GALNT5: variants seen among roughly 807,000 people sequenced by gnomAD.
GALNT5 encodes polypeptide N-acetylgalactosaminyltransferase 5.
A neutral mutation model predicts 85.4 loss-of-function variants in GALNT5; 72 were observed. The ratio of observed to expected loss-of-function variants is 0.84; its 90% CI spans 0.70 to 1.03. GALNT5 has a LOEUF of 1.03. Ranked by LOEUF, GALNT5 falls within the 50% of genes least tolerant of loss-of-function variation. The pLI, the probability that GALNT5 is intolerant of heterozygous loss-of-function variation, is 0.00. For missense variants in GALNT5, 1,137 were observed against 1,135.5 expected, an observed-to-expected ratio of 1.00 and a Z score of -0.02; for synonymous variants, 404 against 397.0, an observed-to-expected ratio of 1.02 and a Z score of -0.21.
intron 3 of GALNT5, among the ~76,000 whole-genome samples, chr2:157,291,633 A>ACCCCCCCCC (rs10650005): frequency 7.9e-4 from 92 of 116,992 alleles, no homozygotes; most frequent in Non-Finnish European, 1.0e-3. Flanking sequence ...GTTACCACCC[A>ACCCCCCCCC]CCCCCCCCCA....
At chr2:157,308,007 C>T (rs1360515965) in intron 8 of GALNT5, among the ~76,000 whole-genome samples, 1 of 152,182 alleles carries the variant, frequency 6.6e-6, no homozygotes, top group Non-Finnish European at 1.5e-5. Context: ...GATGATTCCT[C>T]ATGCTAGTAG....
rs1683718636 is a variant in GALNT5, at chr2:157,316,993, A to G, written c.*5645A>G. 6.6e-6 allele frequency among the ~76,000 whole-genome samples: 1 copy of G among 151,818 alleles called. No individual in the cohort carries two copies. Among genetic ancestry groups the G allele is most frequent in the Admixed American group, 6.6e-5 (1 of 15,236 alleles). On this transcript the variant is annotated 3_prime_UTR_variant, in exon 10 of 10. Coordinates refer to ENST00000259056, the MANE Select transcript of GALNT5 (RefSeq NM_014568.3). Reference sequence around the variant, plus strand: ...AGTAATAAATATTTTTTTCAAAAACAAGAGCTTTCTGTTTTATTATTGATT... The same window carrying G: ...AGTAATAAATATTTTTTTCAAAAACGAGAGCTTTCTGTTTTATTATTGATT...
intron 4 of GALNT5, 30 bp from the exon 5 acceptor site, chr2:157,296,364 T>C: frequency 5.1e-6 from 8 of 1,573,004 alleles, no homozygotes; most frequent in Non-Finnish European, 7.0e-6. Flanking sequence ...TAATCCCAGA[T>C]AACACTTTGT....
intron 3 of GALNT5, among the ~76,000 whole-genome samples, chr2:157,292,870 A>C (rs1398612524): frequency 1.3e-5 from 2 of 151,888 alleles, no homozygotes; most frequent in African/African-American, 2.4e-5. Context: ...CGCCCGATTG[A>C]TTTTTGTATT....
chr2:157,311,265 T>C lies in GALNT5; in HGVS notation c.2740T>C (p.Ser914Pro). The C allele has an allele frequency of 6.2e-7, 1 of 1,610,112 alleles. No homozygotes were observed. Among genetic ancestry groups the C allele is most frequent in the Non-Finnish European group, 8.5e-7 (1 of 1,176,886 alleles). ...ATTATTATGCTTGGAAGGAAATTTT[T>C]CTCAAAAGATCCTGAAAGTAGCTGC... ...QQLLCLEGNF[S>P]QKILKVAACD... is the part of the protein sequence containing the mutation. Residue 914 changes from serine to proline, a missense_variant, in exon 10 of 10, where the codon TCT (serine) becomes CCT (proline). Coordinates refer to ENST00000259056, the MANE Select transcript of GALNT5 (RefSeq NM_014568.3).
chr2:157,280,437 A>G (rs72918713), intron 1 of GALNT5, among the ~76,000 whole-genome samples: 4,308 of 152,326 alleles, frequency 0.028, 100 homozygotes, highest in Non-Finnish European at 0.042. Context: ...GCAGAAGCTG[A>G]AAGAGGCAAG....
At chr2:157,288,339 T>A (rs891557834) in intron 3 of GALNT5, among the ~76,000 whole-genome samples, 4 of 152,350 alleles carry the variant, frequency 2.6e-5, no homozygotes, top group Admixed American at 1.3e-4. Context: ...GAGACTGCAT[T>A]CAGAAAAATT....
intron 3 of GALNT5, among the ~76,000 whole-genome samples, chr2:157,294,055 T>C (rs1276208548): frequency 6.6e-6 from 1 of 152,230 alleles, no homozygotes; most frequent in African/African-American, 2.4e-5. Context: ...GCATGAAGAA[T>C]GTTTAGAACA....
Position 157,286,020 on chromosome 2 carries a change from C to T in GALNT5, c.1627C>T (p.Leu543=). ...TTATCTTTACTCTGATGTAGACTAT[C>T]TAAAAGATAATTTGGATAAATACAT... ...LVDDFSTKDY[L]KDNLDKYMSQ... is the part of the protein sequence containing the mutation. The change falls in exon 3 of 10, where the codon CTA becomes TTA. Residue 543 remains leucine (L), a synonymous_variant. Coordinates refer to ENST00000259056, the MANE Select transcript of GALNT5 (RefSeq NM_014568.3). The T allele has an allele frequency of 6.3e-7, 1 of 1,596,300 alleles. No individual in the cohort carries two copies. The highest frequency in any genetic ancestry group is 8.6e-7 in the Non-Finnish European group (1 of 1,164,098).
chr2:157,286,746 C>T (rs910482638), intron 3 of GALNT5, among the ~76,000 whole-genome samples: 10 of 152,236 alleles, frequency 6.6e-5, no homozygotes, highest in African/African-American at 2.4e-4. Context: ...TCGTGATCCG[C>T]CCGCCTCGGC....
chr2:157,259,503 T>A lies in GALNT5; in HGVS notation c.1421T>A (p.Val474Glu). Residue 474 changes from valine (V) to glutamate (E), a missense_variant, in exon 1 of 10, where the codon GTG becomes GAG. Val to Glu is a moderately radical substitution (Grantham distance 121, BLOSUM62 -2). Coordinates refer to ENST00000259056, the MANE Select transcript of GALNT5 (RefSeq NM_014568.3). ...FNVYLSDLIP[V>E]DRAIEDTRPA... The stretch of plus-strand genomic sequence containing the variant: ...GTCTACCTTAGCGATTTGATCCCAG[T>A]GGATAGAGCCATTGAAGACACCAGA... The A allele has an allele frequency of 7.1e-7, 1 of 1,404,568 alleles. No individual in the cohort carries two copies. The highest frequency in any genetic ancestry group is 9.3e-7 in the Non-Finnish European group (1 of 1,071,398). The allele number at this position is 1,404,568 out of a possible 1,614,324, so 87.0% of individuals were successfully genotyped here.
At chr2:157,299,509 T>G in intron 5 of GALNT5, 39 bp from the exon 6 acceptor site, 125 of 1,188,446 alleles carry the variant, frequency 1.1e-4, no homozygotes, top group Non-Finnish European at 1.4e-4. Flanking sequence ...CGAGCTTTCA[T>G]GAGATGCAAG....
intron 1 of GALNT5, among the ~76,000 whole-genome samples, chr2:157,260,480 T>C (rs2105141518): frequency 6.6e-6 from 1 of 152,362 alleles, no homozygotes; most frequent in South Asian, 2.1e-4. Context: ...ATTGGGTTCC[T>C]GGCATTTTTT....
chr2:157,281,280 G>C (rs543171501), intron 1 of GALNT5, among the ~76,000 whole-genome samples: 1 of 152,166 alleles, frequency 6.6e-6, no homozygotes, highest in South Asian at 2.1e-4. Flanking sequence ...GGCCAGGCTG[G>C]TCTTGAACTC....
intron 9 of GALNT5, among the ~76,000 whole-genome samples, chr2:157,310,946 G>A (rs1683555203): frequency 6.6e-6 from 1 of 152,104 alleles, no homozygotes; most frequent in Admixed American, 6.6e-5. Context: ...ATAGTTCTCA[G>A]CCATATCATC....
intron 3 of GALNT5, among the ~76,000 whole-genome samples, chr2:157,292,507 G>A (rs1683122116): frequency 6.6e-6 from 1 of 152,178 alleles, no homozygotes; most frequent in African/African-American, 2.4e-5. Flanking sequence ...GGCAGCAAAT[G>A]AATGAGAATT....
chr2:157,272,066 C>G lies in GALNT5; in HGVS notation c.1455-12216C>G, dbSNP rs1476457362. The stretch of plus-strand genomic sequence containing the variant: ...AAAAAATTAAAAAATAGAGAGTGGC[C>G]AAAGGAAACTAGACTTGTTAATTGC... On this transcript the variant is annotated intron_variant, in intron 1 of 9. Coordinates refer to ENST00000259056, the MANE Select transcript of GALNT5 (RefSeq NM_014568.3). Among the ~76,000 whole-genome samples, 4 of 151,954 alleles carry G rather than the reference C, an allele frequency of 2.6e-5. No homozygotes were observed. The East Asian group carries it at 7.7e-4, about 29-fold the overall frequency.
In GALNT5 at chr2:157,299,592, A is replaced by C. The variant is rs751843466; in HGVS notation, c.2042A>C (p.Tyr681Ser). ...AGGLFSIDKS[Y>S]FFELGTYDPG... ...GGATTGTTTTCTATTGACAAAAGTT[A>C]CTTTTTTGAACTTGGAACATACGAC... The change falls in exon 6 of 10, where the codon TAC (tyrosine) becomes TCC (serine). Residue 681 changes from tyrosine (Y) to serine (S), a missense_variant. Physicochemically the swap from Tyr to Ser is moderately radical, Grantham distance 144. Transcript: ENST00000259056. The C allele has an allele frequency of 8.7e-6, 14 of 1,613,290 alleles. No homozygotes were observed. The East Asian group carries it at 3.1e-4, about 36-fold the overall frequency.
In GALNT5 at chr2:157,262,045, T is replaced by G. The variant is rs1329714447; in HGVS notation, c.1454+2509T>G. 2.0e-5 allele frequency among the ~76,000 whole-genome samples: 3 copies of G among 152,090 alleles called. No individual in the cohort carries two copies. In the East Asian group the frequency reaches 5.8e-4, roughly 29 times the overall value. Reference sequence around the variant, plus strand: ...AGAATACAGGAGGGCTAGCTTAAAATTAGCTGGAGTAGCATCCTACTGCAA... The same window carrying G: ...AGAATACAGGAGGGCTAGCTTAAAAGTAGCTGGAGTAGCATCCTACTGCAA... On this transcript the variant is annotated intron_variant, in intron 1 of 9. Coordinates refer to ENST00000259056, the MANE Select transcript of GALNT5 (RefSeq NM_014568.3).
Sources: gnomAD v4.1 joint callset for allele counts (sites outside exome capture counted in the v4.1 genomes callset) on GRCh38, gnomAD v4.1.1 for gene constraint, MANE v1.5 for transcripts, NCBI Gene and HGNC (gene_info 2026-07-23, HGNC 2026-07-21) for gene names.